Variants in METTL16 observed in about 807,000 individuals in gnomAD.
METTL16 encodes the protein methyltransferase 16, RNA N6-adenosine.
A neutral mutation model predicts 57.9 loss-of-function variants in METTL16; 19 were observed. The ratio of observed to expected loss-of-function variants is 0.33; its 90% CI spans 0.23 to 0.48. The LOEUF is 0.48. Among genes scored for constraint, METTL16 ranks in the 20% least tolerant of loss-of-function variants. The pLI, the probability that METTL16 is intolerant of heterozygous loss-of-function variation, is 0.99. For synonymous variants in METTL16, 246 were observed against 255.6 expected, an observed-to-expected ratio of 0.96 and a Z score of 0.36; for missense variants, 434 against 691.5, an observed-to-expected ratio of 0.63 and a Z score of 4.18.
chr17:2,459,950 GAGATC>G (rs1230632754), intron 6 of METTL16: 1 of 152,204 alleles, frequency 6.6e-6, no homozygotes, highest in East Asian at 1.9e-4. Context: ...GCAGTGAGCT[GAGATC>G]ACACCATTGC....
Position 2,427,273 on chromosome 17 carries a change from A to AT in METTL16, c.889-6370dup, listed in dbSNP as rs547585319. On this transcript the variant is annotated intron_variant, in intron 8 of 9. Transcript: ENST00000263092. ...TCAGACTTCTGACCATTCTTTTGAG[A>AT]TTTTTTTCATTTCACAGGTAGAGAA... Among the ~76,000 whole-genome samples, 246 of 152,340 alleles carry AT rather than the reference A, an allele frequency of 1.6e-3. 1 individual carries two copies. Among genetic ancestry groups the AT allele is most frequent in the African/African-American group, 5.7e-3 (237 of 41,588 alleles).
chr17:2,461,518 G>A (rs1365201691), intron 6 of METTL16, among the ~76,000 whole-genome samples: 1 of 151,574 alleles, frequency 6.6e-6, no homozygotes, highest in Non-Finnish European at 1.5e-5. Context: ...AGTAGCTCCT[G>A]TAGCCTGCAA....
rs2066721412 is a variant in METTL16, at chr17:2,416,976, C to A, written c.*2994G>T. On this transcript the variant is annotated 3_prime_UTR_variant, in exon 10 of 10. Transcript: ENST00000263092. ...CTCTCACTAGGTAGCCTAAGAAAAT[C>A]TTCTCAGGGAAGGAAATGGAAACAT... The A allele has an allele frequency of 6.7e-6, 1 of 149,202 alleles. No individual in the cohort carries two copies. Among genetic ancestry groups the A allele is most frequent in the South Asian group, 2.2e-4 (1 of 4,618 alleles). 9.2% of individuals were successfully genotyped at this position (149,202 alleles called of 1,614,324 possible).
At chr17:2,505,216 T>C (rs1046074181) in intron 1 of METTL16, among the ~76,000 whole-genome samples, 5 of 151,828 alleles carry the variant, frequency 3.3e-5, no homozygotes, top group African/African-American at 9.7e-5. Context: ...TTAATATCTT[T>C]ATTTTTTACC....
intron 6 of METTL16, among the ~76,000 whole-genome samples, chr17:2,462,039 A>G (rs1018381168): frequency 2.6e-5 from 4 of 152,230 alleles, no homozygotes; most frequent in Non-Finnish European, 5.9e-5. Flanking sequence ...AGATATTTAT[A>G]TACCCACATT....
At chr17:2,500,542 A>G (rs1313109768) in intron 2 of METTL16, among the ~76,000 whole-genome samples, 1 of 152,086 alleles carries the variant, frequency 6.6e-6, no homozygotes, top group Non-Finnish European at 1.5e-5. Flanking sequence ...TTGGCCTCCC[A>G]AAGTGCTGGG....
At chr17:2,448,784 A>T (rs1215272572) in intron 6 of METTL16, among the ~76,000 whole-genome samples, 3 of 110,280 alleles carry the variant, frequency 2.7e-5, no homozygotes, top group African/African-American at 1.7e-4. Context: ...AAAAAAATAA[A>T]AAAATAAAAA....
intron 4 of METTL16, among the ~76,000 whole-genome samples, chr17:2,468,454 C>T (rs951239638): frequency 3.3e-5 from 5 of 152,206 alleles, no homozygotes; most frequent in African/African-American, 1.2e-4. Flanking sequence ...ACCACCCATA[C>T]ATCCTTCAGA....
At chr17:2,471,458 G>T (rs557095814) in intron 4 of METTL16, among the ~76,000 whole-genome samples, 3 of 152,068 alleles carry the variant, frequency 2.0e-5, no homozygotes, top group African/African-American at 7.2e-5. Flanking sequence ...GCACTTTTTG[G>T]ATATAATACC....
chr17:2,472,886 G>A lies in METTL16; in HGVS notation c.469+638C>T, dbSNP rs906089965. On this transcript the variant is annotated intron_variant, in intron 4 of 9. Transcript: ENST00000263092. ...TTGAGGCACAGAAGACGGCAGGGCA[G>A]TGAAACGATTCTGTGTATACCGTAC... Among the ~76,000 whole-genome samples, 6 of 152,178 alleles carry A rather than the reference G, an allele frequency of 3.9e-5. No individual in the cohort carries two copies. The South Asian group carries it at 1.2e-3, about 32-fold the overall frequency.
chr17:2,478,452 C>T (rs1007204899), intron 2 of METTL16, among the ~76,000 whole-genome samples: 1 of 152,112 alleles, frequency 6.6e-6, no homozygotes, highest in Non-Finnish European at 1.5e-5. Context: ...ACAAATATTA[C>T]AGACATCAAA....
At chr17:2,489,113 TTTTTTTTTA>T (rs905917757) in intron 2 of METTL16, among the ~76,000 whole-genome samples, 3 of 144,120 alleles carry the variant, frequency 2.1e-5, no homozygotes, top group Non-Finnish European at 3.0e-5. Context: ...TTTTCATTCT[TTTTTTTTTA>T]TTTTTTTTTA....
rs79384019 is a variant in METTL16 at position 2,466,692 on chromosome 17, A to G, written c.585+1069T>C. ...GCCCACATCATCTGGTATACTTTCA[A>G]TAATTCCTAGATTAGTTATAATACC... is the stretch of plus-strand genomic sequence containing the variant. On this transcript the variant is annotated intron_variant, in intron 5 of 9. Coordinates refer to ENST00000263092, the MANE Select transcript of METTL16 (RefSeq NM_024086.4). 4.1e-3 allele frequency among the ~76,000 whole-genome samples: 620 copies of G among 152,348 alleles called. 2 individuals are homozygous for G. Among genetic ancestry groups the G allele is most frequent in the Middle Eastern group, 0.027 (8 of 294 alleles).
chr17:2,419,980 G>C lies in METTL16; in HGVS notation c.1679C>G (p.Ala560Gly). 6.2e-7 allele frequency: 1 copy of C among 1,614,068 alleles called. No individual in the cohort carries two copies. The highest frequency in any genetic ancestry group is 8.5e-7 in the Non-Finnish European group (1 of 1,179,954). Residue 560 changes from alanine to glycine, a missense_variant, in exon 10 of 10, where the codon GCA becomes GGA. Physicochemically the swap from Ala to Gly is moderately conservative, Grantham distance 60. Around this residue, in one of 5 missense-constraint regions of METTL16, gnomAD observed 26 missense variants for 60.7 expected, o/e 0.43. Transcript: ENST00000263092. ...YIRNQIFRLV[A>G]VN ...CTGTGCAGGAGGTTTCTAGTTAACT[G>C]CAACAAGCCTGAAAATTTGGTTACG...
intron 6 of METTL16, among the ~76,000 whole-genome samples, chr17:2,447,420 C>G (rs1227433699): frequency 1.4e-5 from 2 of 140,822 alleles, no homozygotes; most frequent in Non-Finnish European, 3.0e-5. Context: ...GCGTCTCCGC[C>G]CGGCAGCCAC....
At chr17:2,494,446 C>T (rs925780387) in intron 2 of METTL16, among the ~76,000 whole-genome samples, 1 of 152,162 alleles carries the variant, frequency 6.6e-6, no homozygotes, top group African/African-American at 2.4e-5. Context: ...TGTATTGGTG[C>T]CATTTTTCTA....
rs2067277967 is a variant in METTL16, at chr17:2,477,738, C to G, written c.276G>C (p.Leu92=). 3 of 1,613,888 alleles carry G rather than the reference C, an allele frequency of 1.9e-6. No individual in the cohort carries two copies. Among genetic ancestry groups the G allele is most frequent in the Middle Eastern group, 3.3e-4 (2 of 6,084 alleles). The change falls in exon 3 of 10, where the codon CTG becomes CTC. Residue 92 remains leucine (L), a synonymous_variant. Coordinates refer to ENST00000263092, the MANE Select transcript of METTL16 (RefSeq NM_024086.4). ...RLNYIHWVED[L]IGHQDSDKST... ...TTTTGTCAGAATCCTGGTGACCGAT[C>G]AGATCTTCTACCCAGTGAATATAGT...
chr17:2,429,774 A>T (rs552487132), intron 8 of METTL16, among the ~76,000 whole-genome samples: 1 of 152,104 alleles, frequency 6.6e-6, no homozygotes, highest in African/African-American at 2.4e-5. Flanking sequence ...ATCAAAAAAA[A>T]AGAACAATCA....
chr17:2,498,954 C>T (rs1357350718), intron 2 of METTL16, among the ~76,000 whole-genome samples: 1 of 151,646 alleles, frequency 6.6e-6, no homozygotes, highest in East Asian at 1.9e-4. Flanking sequence ...GTATTCTTTG[C>T]ACATGCTGCT....
Sources: allele counts gnomAD v4.1 joint callset (sites outside exome capture counted in the v4.1 genomes callset), GRCh38; gene constraint gnomAD v4.1.1; regional missense constraint gnomAD v4.1.1; transcripts MANE v1.5; gene names NCBI Gene and HGNC (gene_info 2026-07-23, HGNC 2026-07-21).